The following EPHB1 variants were observed in gnomAD, a reference collection of about 807,000 sequenced individuals.
EPHB1 encodes ephrin type-B receptor 1.
EPHB1 carries 30 observed loss-of-function variants against 94.4 expected under a neutral mutation model. The observed-to-expected ratio is 0.32, with a 90% CI of 0.24 to 0.43. The LOEUF (loss-of-function observed/expected upper bound fraction) is 0.43. Ranked by LOEUF, EPHB1 falls within the 20% of genes least tolerant of loss-of-function variation. EPHB1 has a pLI of 1.00. For missense variants in EPHB1, 1,055 were observed against 1,308.3 expected, an observed-to-expected ratio of 0.81 and a Z score of 2.99; for synonymous variants, 522 against 489.1, an observed-to-expected ratio of 1.07 and a Z score of -0.89.
intron 3 of EPHB1, among the ~76,000 whole-genome samples, chr3:135,005,820 C>T (rs1272487753): frequency 3.3e-5 from 5 of 152,368 alleles, no homozygotes; most frequent in South Asian, 4.1e-4. Context: ...CTTCGGCTCG[C>T]GCACGGTGCA....
chr3:135,230,678 A>G (rs1289898757), intron 12 of EPHB1, among the ~76,000 whole-genome samples: 2 of 152,172 alleles, frequency 1.3e-5, no homozygotes, highest in Admixed American at 6.5e-5. Flanking sequence ...AGTAGTGAGC[A>G]TAGAACCCAA....
At chr3:134,798,463 G>A (rs1352699651) in intron 1 of EPHB1, among the ~76,000 whole-genome samples, 3 of 152,172 alleles carry the variant, frequency 2.0e-5, no homozygotes, top group Non-Finnish European at 1.5e-5. Context: ...CTGAAAAAAA[G>A]CTCCTCTTCC....
chr3:135,205,565 T>C (rs1332202401), intron 12 of EPHB1, among the ~76,000 whole-genome samples: 2 of 152,260 alleles, frequency 1.3e-5, no homozygotes, highest in Non-Finnish European at 2.9e-5. Flanking sequence ...GTTTGTTTTA[T>C]ATTTGAATAT....
intron 9 of EPHB1, 129 bp from the exon 10 acceptor site, chr3:135,179,730 GA>G (rs1942100778): frequency 9.4e-7 from 1 of 1,063,040 alleles, no homozygotes; most frequent in African/African-American, 1.6e-5. Context: ...AGGAGAGGCA[GA>G]GAAAAGTTGC....
At chr3:134,920,800 C>CTGGCCCCACCATCCGGACCCCCAGGAGG (rs2038669497) in intron 1 of EPHB1, among the ~76,000 whole-genome samples, 1 of 152,202 alleles carries the variant, frequency 6.6e-6, no homozygotes, top group Non-Finnish European at 1.5e-5. Flanking sequence ...AGGCTCAGAC[C>CTGGCCCCACCATCCGGACCCCCAGGAGG]TGGCCCCACC....
At chr3:134,999,116 G>A (rs1412426641) in intron 3 of EPHB1, among the ~76,000 whole-genome samples, 1 of 152,192 alleles carries the variant, frequency 6.6e-6, no homozygotes, top group Non-Finnish European at 1.5e-5. Context: ...ACTGGTGATG[G>A]TTAATTTCAG....
chr3:134,984,313 A>C (rs1934516388), intron 3 of EPHB1, among the ~76,000 whole-genome samples: 1 of 151,672 alleles, frequency 6.6e-6, no homozygotes, highest in Non-Finnish European at 1.5e-5. Flanking sequence ...TTCCCTCACC[A>C]CTGATCCCAC....
intron 2 of EPHB1, among the ~76,000 whole-genome samples, chr3:134,926,155 G>A (rs991225509): frequency 9.9e-5 from 15 of 152,168 alleles, no homozygotes; most frequent in Middle Eastern, 3.2e-3. Context: ...ATGGGGGCAC[G>A]CAGGCTAGTG....
chr3:135,015,407 A>AT (rs1935766265), intron 3 of EPHB1, among the ~76,000 whole-genome samples: 1 of 152,010 alleles, frequency 6.6e-6, no homozygotes, highest in Non-Finnish European at 1.5e-5. Flanking sequence ...CACCCAGCTA[A>AT]TTTTTAGCAT....
chr3:134,873,276 G>A (rs1401656716), intron 1 of EPHB1, among the ~76,000 whole-genome samples: 1 of 152,130 alleles, frequency 6.6e-6, no homozygotes, highest in Non-Finnish European at 1.5e-5. Context: ...TTGTGCTTGT[G>A]GCCTGAACAT....
chr3:134,935,402 G>A (rs770480632), intron 2 of EPHB1, among the ~76,000 whole-genome samples: 1 of 152,194 alleles, frequency 6.6e-6, no homozygotes, highest in Non-Finnish European at 1.5e-5. Flanking sequence ...CTTACTTCCA[G>A]TTATGGGCAA....
intron 12 of EPHB1, among the ~76,000 whole-genome samples, chr3:135,238,379 G>A (rs1227451422): frequency 1.3e-5 from 2 of 152,204 alleles, no homozygotes; most frequent in Non-Finnish European, 1.5e-5. Context: ...CAAGCTCAGT[G>A]TTCAGTGAGG....
chr3:135,102,108 G>A (rs1939054405), intron 3 of EPHB1, among the ~76,000 whole-genome samples: 1 of 152,218 alleles, frequency 6.6e-6, no homozygotes, highest in South Asian at 2.1e-4. Context: ...CCTGAGTTTT[G>A]AAATGATACG....
Position 135,210,231 on chromosome 3 carries a change from C to A in EPHB1, c.2346+8542C>A, listed in dbSNP as rs144141112. ...CTCATTGAAGTAGAATAGTCTGGAC[C>A]TTTTCATTGTTACTAAAATTTTCCA... On this transcript the variant is annotated intron_variant, in intron 12 of 15. Coordinates refer to ENST00000398015, the MANE Select transcript of EPHB1 (RefSeq NM_004441.5). 4.5e-3 allele frequency among the ~76,000 whole-genome samples: 687 copies of A among 152,214 alleles called. 9 individuals are homozygous for A. The highest frequency in any genetic ancestry group is 0.016 in the African/African-American group (649 of 41,524).
At chr3:134,927,542 T>A (rs1181729424) in intron 2 of EPHB1, among the ~76,000 whole-genome samples, 1 of 152,244 alleles carries the variant, frequency 6.6e-6, no homozygotes, top group Non-Finnish European at 1.5e-5. Flanking sequence ...ACCTGGATAT[T>A]AAGAATTTGC....
chr3:135,225,057 G>A (rs752751088), intron 12 of EPHB1, among the ~76,000 whole-genome samples: 2 of 152,104 alleles, frequency 1.3e-5, no homozygotes, highest in Admixed American at 6.6e-5. Flanking sequence ...CGTTGAGGGG[G>A]GAAGCAGACA....
At chr3:135,149,593 G>A (rs1205476374) in intron 5 of EPHB1, among the ~76,000 whole-genome samples, 1 of 152,158 alleles carries the variant, frequency 6.6e-6, no homozygotes, top group Admixed American at 6.5e-5. Flanking sequence ...CCTTGGAGAG[G>A]GAAAAACCAA....
chr3:134,927,386 A>G (rs2038815531), intron 2 of EPHB1, among the ~76,000 whole-genome samples: 1 of 152,242 alleles, frequency 6.6e-6, no homozygotes, highest in African/African-American at 2.4e-5. Context: ...GGCATTCCCT[A>G]AAGCAGGGAG....
At chr3:134,799,665 A>AGGGCCT in intron 1 of EPHB1, among the ~76,000 whole-genome samples, 1 of 152,276 alleles carries the variant, frequency 6.6e-6, no homozygotes, top group East Asian at 1.9e-4. Flanking sequence ...GAGCCTGGGG[A>AGGGCCT]GGGCCTGCTA....
Sources: gnomAD v4.1 joint callset for allele counts (sites outside exome capture counted in the v4.1 genomes callset) on GRCh38, gnomAD v4.1.1 for gene constraint, MANE v1.5 for transcripts, NCBI Gene and HGNC (gene_info 2026-07-23, HGNC 2026-07-21) for gene names.